RBM47: variants seen among roughly 807,000 people sequenced by gnomAD.
The protein encoded by RBM47 is RNA binding motif protein 47.
RBM47 carries 21 observed loss-of-function variants against 47.1 expected under a neutral mutation model. That is an observed-to-expected ratio of 0.45 (90% CI 0.32 to 0.64). The LOEUF (loss-of-function observed/expected upper bound fraction) is 0.64, where lower values mean the gene tolerates loss of function less well. Ranked by LOEUF, RBM47 falls within the 30% of genes least tolerant of loss-of-function variation. The pLI is 0.05. For synonymous variants in RBM47, 375 were observed against 361.7 expected (o/e 1.04, Z -0.42); for missense variants, 708 against 870.9 (o/e 0.81, Z 2.35).
At chr4:40,504,894 AAAG>A (rs1260973237) in intron 2 of RBM47, among the ~76,000 whole-genome samples, 2 of 152,256 alleles carry the variant, frequency 1.3e-5, no homozygotes, top group Non-Finnish European at 2.9e-5. Flanking sequence ...ATTCTTTACC[AAAG>A]AAGTACTTGG....
chr4:40,593,197 A>AC (rs1734419623), intron 1 of RBM47, among the ~76,000 whole-genome samples: 1 of 147,856 alleles, frequency 6.8e-6, no homozygotes, highest in Admixed American at 6.8e-5. Flanking sequence ...ACGGGGTTTC[A>AC]CCGTGTTAGC....
In RBM47 at chr4:40,524,961, T is replaced by C. The variant is rs1726554223; in HGVS notation, c.-155+19461A>G. On this transcript the variant is annotated intron_variant, in intron 2 of 6. Coordinates refer to ENST00000295971, the MANE Select transcript of RBM47 (RefSeq NM_001098634.2). ...TGATCCTGATCCAGGCCACTGGATA[T>C]ATTTAATGAGCTCAGGCTTGATAGT... 2.0e-5 allele frequency among the ~76,000 whole-genome samples: 3 copies of C among 152,366 alleles called. No homozygotes were observed. The South Asian group carries it at 6.2e-4, about 32-fold the overall frequency.
chr4:40,519,030 A>G (rs2058903614), intron 2 of RBM47, among the ~76,000 whole-genome samples: 1 of 141,980 alleles, frequency 7.0e-6, no homozygotes, highest in Admixed American at 7.3e-5. Context: ...CCTTGTTTCT[A>G]TAAAAAAAAA....
Position 40,423,935 on chromosome 4 carries a change from CAGCT to C in RBM47, c.*1965_*1968del, listed in dbSNP as rs1338546898. 1 of 152,376 alleles carries C rather than the reference CAGCT, an allele frequency of 6.6e-6. No individual in the cohort carries two copies. The highest frequency in any genetic ancestry group is 6.6e-5 in the Admixed American group (1 of 15,234). 9.4% of individuals were successfully genotyped at this position (152,376 alleles called of 1,614,324 possible). A position where few individuals can be genotyped will look rare whatever the true frequency, so the allele number is the denominator to read the frequency against. On this transcript the variant is annotated 3_prime_UTR_variant, in exon 7 of 7. Transcript: ENST00000295971. Reference sequence around the variant, plus strand: ...ATTCCCACAGATTTGAGTTTGAATGCAGCTTGTGGGGTACATCATCAGGAACATT... The same window carrying C: ...ATTCCCACAGATTTGAGTTTGAATGCTGTGGGGTACATCATCAGGAACATT...
At chr4:40,503,362 G>C (rs1723656350) in intron 2 of RBM47, among the ~76,000 whole-genome samples, 1 of 152,186 alleles carries the variant, frequency 6.6e-6, no homozygotes, top group Non-Finnish European at 1.5e-5. Flanking sequence ...GATTATTCAT[G>C]AGAGGTGATT....
Position 40,489,098 on chromosome 4 carries a change from C to T in RBM47, c.-154-22399G>A, listed in dbSNP as rs146987924. On this transcript the variant is annotated intron_variant, in intron 2 of 6. Coordinates refer to ENST00000295971, the MANE Select transcript of RBM47 (RefSeq NM_001098634.2). Reference sequence around the variant, plus strand: ...TGTCAACTGTACTCTGTATGCCCCCCTCATGTATTCAGTTGCCCTGTAACT... The same window carrying T: ...TGTCAACTGTACTCTGTATGCCCCCTTCATGTATTCAGTTGCCCTGTAACT... Among the ~76,000 whole-genome samples, 210 of 152,306 alleles carry T rather than the reference C, an allele frequency of 1.4e-3. 2 individuals carry two copies. Among genetic ancestry groups the T allele is most frequent in the Middle Eastern group, 6.8e-3 (2 of 294 alleles).
At chr4:40,570,681 A>C (rs1405785703) in intron 1 of RBM47, among the ~76,000 whole-genome samples, 2 of 152,072 alleles carry the variant, frequency 1.3e-5, no homozygotes, top group Admixed American at 6.5e-5. Context: ...AAGAGCAATA[A>C]AAATGATAAA....
intron 2 of RBM47, among the ~76,000 whole-genome samples, chr4:40,492,838 AG>A (rs1722071398): frequency 6.6e-6 from 1 of 152,066 alleles, no homozygotes; most frequent in Non-Finnish European, 1.5e-5. Flanking sequence ...GATGGGAATC[AG>A]GGGGCTGGAG....
intron 2 of RBM47, among the ~76,000 whole-genome samples, chr4:40,483,855 G>C (rs1033515660): frequency 1.3e-5 from 2 of 152,168 alleles, no homozygotes; most frequent in African/African-American, 4.8e-5. Context: ...AAATTGCATA[G>C]TGTATTTGAA....
intron 5 of RBM47, 138 bp from the exon 6 acceptor site, chr4:40,433,000 GC>G: frequency 7.9e-7 from 1 of 1,270,992 alleles, no homozygotes; most frequent in Non-Finnish European, 1.0e-6. Flanking sequence ...TCACTCTGTG[GC>G]CCAGGCTGGA....
intron 1 of RBM47, among the ~76,000 whole-genome samples, chr4:40,625,678 A>G (rs1458262158): frequency 6.6e-6 from 1 of 152,166 alleles, no homozygotes; most frequent in Non-Finnish European, 1.5e-5. Flanking sequence ...GCGTACACCC[A>G]CCAGGAACCC....
At chr4:40,607,794 C>G (rs1735896292) in intron 1 of RBM47, among the ~76,000 whole-genome samples, 1 of 152,054 alleles carries the variant, frequency 6.6e-6, no homozygotes, top group Non-Finnish European at 1.5e-5. Context: ...AAAGCCACTG[C>G]ATTTTCTACT....
chr4:40,476,288 G>T (rs769283256), intron 2 of RBM47, among the ~76,000 whole-genome samples: 1 of 152,060 alleles, frequency 6.6e-6, no homozygotes, highest in Non-Finnish European at 1.5e-5. Flanking sequence ...TTTTTAGCAA[G>T]TGTTGCTTTT....
At chr4:40,606,358 G>GT (rs973720905) in intron 1 of RBM47, among the ~76,000 whole-genome samples, 5 of 151,958 alleles carry the variant, frequency 3.3e-5, no homozygotes, top group Non-Finnish European at 1.5e-5. Context: ...TGTGGTCTCG[G>GT]TAAGAAAAAA....
At chr4:40,568,723 T>C (rs1022165959) in intron 1 of RBM47, among the ~76,000 whole-genome samples, 7 of 151,730 alleles carry the variant, frequency 4.6e-5, no homozygotes, top group African/African-American at 1.7e-4. Context: ...AAGGTCTTAA[T>C]AGATAGTATA....
intron 2 of RBM47, among the ~76,000 whole-genome samples, chr4:40,540,799 GT>G (rs1198135248): frequency 1.0e-4 from 15 of 148,208 alleles, no homozygotes; most frequent in Admixed American, 8.1e-4. Flanking sequence ...TATTTATTTG[GT>G]TTTTTTAATC....
chr4:40,480,518 T>C (rs953576129), intron 2 of RBM47, among the ~76,000 whole-genome samples: 4 of 152,174 alleles, frequency 2.6e-5, no homozygotes, highest in African/African-American at 9.7e-5. Flanking sequence ...GGAACTTCTG[T>C]ACTAACCCAG....
At chr4:40,441,141 G>A (rs1376086647) in intron 3 of RBM47, among the ~76,000 whole-genome samples, 1 of 151,336 alleles carries the variant, frequency 6.6e-6, no homozygotes, top group Non-Finnish European at 1.5e-5. Context: ...TAGAGATGGA[G>A]GGCCAGGCAG....
At chr4:40,472,968 A>C (rs1394706754) in intron 2 of RBM47, among the ~76,000 whole-genome samples, 1 of 152,186 alleles carries the variant, frequency 6.6e-6, no homozygotes, top group South Asian at 2.1e-4. Context: ...AAAGAAATGC[A>C]TCCTGAAACA....
Sources: allele counts gnomAD v4.1 joint callset (sites outside exome capture counted in the v4.1 genomes callset), GRCh38; gene constraint gnomAD v4.1.1; transcripts MANE v1.5; gene names NCBI Gene and HGNC (gene_info 2026-07-23, HGNC 2026-07-21).